The following CHSY3 variants were observed in gnomAD, a reference collection of about 807,000 sequenced individuals.
CHSY3 encodes chondroitin sulfate synthase 3.
A neutral mutation model predicts 67.2 loss-of-function variants in CHSY3; 35 were observed. The ratio of observed to expected loss-of-function variants is 0.52; its 90% CI spans 0.40 to 0.69. The LOEUF (loss-of-function observed/expected upper bound fraction) is 0.69. Ranked by LOEUF, CHSY3 falls within the 30% of genes least tolerant of loss-of-function variation. The probability of loss-of-function intolerance (pLI) is 0.00; values close to 1 mark genes in which losing one functional copy is unlikely to be tolerated. For synonymous variants in CHSY3, 474 were observed against 434.7 expected (o/e 1.09, Z -1.12); for missense variants, 1,069 against 1,138.5 (o/e 0.94, Z 0.88).
rs567920417 is a variant in CHSY3, at chr5:129,922,464, G to C, written c.1086+14104G>C. Among the ~76,000 whole-genome samples, 41 of 152,234 alleles carry C rather than the reference G, an allele frequency of 2.7e-4. No individual in the cohort carries two copies. In the South Asian group the frequency reaches 2.9e-3, roughly 11 times the overall value. The stretch of plus-strand genomic sequence containing the variant: ...TACATTCCCACCAAAAGTGTACAAG[G>C]GTTCCCTTTTCTCCACATTCTCACC... On this transcript the variant is annotated intron_variant, in intron 2 of 2. Transcript: ENST00000305031.
At chr5:129,937,815 A>G (rs1192616189) in intron 2 of CHSY3, among the ~76,000 whole-genome samples, 1 of 152,042 alleles carries the variant, frequency 6.6e-6, no homozygotes, top group Admixed American at 6.5e-5. Flanking sequence ...CTTTAACTCC[A>G]TGTCTCACAT....
At chr5:130,042,142 G>A (rs1025743606) in intron 2 of CHSY3, among the ~76,000 whole-genome samples, 1 of 151,998 alleles carries the variant, frequency 6.6e-6, no homozygotes, top group Admixed American at 6.6e-5. Flanking sequence ...AGGCTGAGTT[G>A]GGAGGATCCC....
Position 129,905,095 on chromosome 5 carries a change from C to T in CHSY3, c.266C>T (p.Pro89Leu). 1 of 1,542,136 alleles carries T rather than the reference C, an allele frequency of 6.5e-7. No homozygotes were observed. Among genetic ancestry groups the T allele is most frequent in the Middle Eastern group, 1.7e-4 (1 of 5,852 alleles). ...CAGGATCTCCAGGGGCCACCGCTGC[C>T]CGAGGCAGCACCCGGGATCACCAGT... ...ARQDLQGPPL[P>L]EAAPGITSFR... Residue 89 changes from proline to leucine, a missense_variant, in exon 1 of 3, where the codon CCC becomes CTC. By Grantham distance (98) the Pro-to-Leu change is moderately conservative. Around this residue, in one of 5 missense-constraint regions of CHSY3, gnomAD observed 309 missense variants for 262.5 expected, o/e 1.18. Transcript: ENST00000305031.
intron 2 of CHSY3, among the ~76,000 whole-genome samples, chr5:129,997,118 A>AT (rs1006735288): frequency 4.6e-5 from 5 of 107,676 alleles, no homozygotes; most frequent in Non-Finnish European, 1.0e-4. Context: ...GATTCAAAGC[A>AT]TTTAAAAAAA....
intron 2 of CHSY3, among the ~76,000 whole-genome samples, chr5:130,163,209 A>T (rs1388114554): frequency 6.6e-6 from 1 of 152,214 alleles, no homozygotes; most frequent in Non-Finnish European, 1.5e-5. Context: ...TATTAGTGAG[A>T]TACATAGTTT....
At chr5:129,920,752 C>G (rs998053123) in intron 2 of CHSY3, among the ~76,000 whole-genome samples, 1 of 152,154 alleles carries the variant, frequency 6.6e-6, no homozygotes, top group South Asian at 2.1e-4. Flanking sequence ...CTTTCTCTTT[C>G]TTTGTAATTT....
intron 2 of CHSY3, among the ~76,000 whole-genome samples, chr5:129,928,815 G>A (rs1342719729): frequency 1.3e-5 from 2 of 152,098 alleles, no homozygotes; most frequent in Non-Finnish European, 2.9e-5. Flanking sequence ...GTACCAAGCT[G>A]TGTACTGGGT....
At chr5:129,985,112 A>G (rs1219878201) in intron 2 of CHSY3, among the ~76,000 whole-genome samples, 1 of 152,168 alleles carries the variant, frequency 6.6e-6, no homozygotes, top group East Asian at 1.9e-4. Context: ...AGTGCCCCAG[A>G]TAGTATTTCC....
intron 2 of CHSY3, among the ~76,000 whole-genome samples, chr5:130,016,263 G>A (rs938589801): frequency 1.7e-4 from 26 of 152,134 alleles, no homozygotes; most frequent in Admixed American, 9.2e-4. Flanking sequence ...ACTTAAAAGG[G>A]GAGAGAAGAC....
chr5:130,001,361 ATTC>A, intron 2 of CHSY3: 1 of 840,900 alleles, frequency 1.2e-6, no homozygotes, highest in Non-Finnish European at 1.4e-6. Context: ...TCATTTTAAA[ATTC>A]TTCTTCCTCC....
At chr5:129,977,844 T>G (rs1762859847) in intron 2 of CHSY3, among the ~76,000 whole-genome samples, 1 of 148,202 alleles carries the variant, frequency 6.7e-6, no homozygotes, top group South Asian at 2.2e-4. Flanking sequence ...ACTTGCTCAG[T>G]ATGACCATTA....
At chr5:130,141,877 C>T in intron 2 of CHSY3, 1 of 254,390 alleles carries the variant, frequency 3.9e-6, no homozygotes, top group Non-Finnish European at 7.8e-6. Flanking sequence ...AGAAGGAATG[C>T]CTGGGGGATT....
chr5:130,015,080 A>T (rs1764179391), intron 2 of CHSY3, among the ~76,000 whole-genome samples: 1 of 152,178 alleles, frequency 6.6e-6, no homozygotes, highest in Non-Finnish European at 1.5e-5. Context: ...AGGTGATTGG[A>T]TCATGGCGGT....
chr5:130,071,313 A>G (rs1766057346), intron 2 of CHSY3, among the ~76,000 whole-genome samples: 1 of 152,060 alleles, frequency 6.6e-6, no homozygotes, highest in Non-Finnish European at 1.5e-5. Context: ...TTTTACGTTT[A>G]TATGTTTGCA....
intron 2 of CHSY3, among the ~76,000 whole-genome samples, chr5:130,165,905 A>G (rs1769734028): frequency 6.6e-6 from 1 of 152,132 alleles, no homozygotes; most frequent in Non-Finnish European, 1.5e-5. Flanking sequence ...GCCATACAAT[A>G]TATAAAGAAT....
intron 2 of CHSY3, among the ~76,000 whole-genome samples, chr5:130,046,814 G>T (rs1765167349): frequency 6.6e-6 from 1 of 151,902 alleles, no homozygotes; most frequent in Admixed American, 6.6e-5. Context: ...TAGAAAATCA[G>T]ATTATTTTGT....
intron 2 of CHSY3, among the ~76,000 whole-genome samples, chr5:129,967,624 G>A (rs1762507219): frequency 1.3e-5 from 2 of 151,824 alleles, no homozygotes; most frequent in Non-Finnish European, 2.9e-5. Context: ...CTGAATTGCA[G>A]TACAGACCTT....
At chr5:130,178,351 G>A (rs1437572596) in intron 2 of CHSY3, among the ~76,000 whole-genome samples, 2 of 148,020 alleles carry the variant, frequency 1.4e-5, no homozygotes, top group Admixed American at 1.4e-4. Context: ...CGCCTCTCGG[G>A]TTCACGCCAT....
intron 2 of CHSY3, among the ~76,000 whole-genome samples, chr5:130,013,512 C>A (rs1191400666): frequency 6.6e-6 from 1 of 152,216 alleles, no homozygotes; most frequent in African/African-American, 2.4e-5. Flanking sequence ...AACCACAGTT[C>A]TTGACTTCTT....
Sources: allele counts gnomAD v4.1 joint callset (sites outside exome capture counted in the v4.1 genomes callset), GRCh38; gene constraint gnomAD v4.1.1; regional missense constraint gnomAD v4.1.1; transcripts MANE v1.5; gene names NCBI Gene and HGNC (gene_info 2026-07-23, HGNC 2026-07-21).